Variants in MED27 observed in about 807,000 individuals in gnomAD.
MED27 encodes mediator complex subunit 27, also known as mediator of RNA polymerase II transcription subunit 27.
Under a neutral mutation model 38.2 loss-of-function variants are expected in MED27, and 30 were observed. That is an observed-to-expected ratio of 0.79 (90% CI 0.59 to 1.07). The LOEUF is 1.07. Ranked by LOEUF, MED27 falls within the 50% of genes least tolerant of loss-of-function variation. The pLI is 0.00. For synonymous variants in MED27, 122 were observed against 153.5 expected, an observed-to-expected ratio of 0.79 and a Z score of 1.52; for missense variants, 289 against 397.5, an observed-to-expected ratio of 0.73 and a Z score of 2.32.
rs193299796 is a variant in MED27 at position 132,043,777 on chromosome 9, G to A, written c.349-29310C>T. ...ACAGTATAGTAGAGGTGGAAGGAGC[G>A]TGGATATCAATAAGAAAAAAATGCC... On this transcript the variant is annotated intron_variant, in intron 2 of 7. Transcript: ENST00000292035. Among the ~76,000 whole-genome samples the A allele has an allele frequency of 1.2e-3, 188 of 152,260 alleles. 5 individuals are homozygous for A. The highest frequency in any genetic ancestry group is 0.012 in the Admixed American group (176 of 15,302).
At chr9:131,881,636 C>T (rs1839041482) in intron 6 of MED27, among the ~76,000 whole-genome samples, 1 of 152,060 alleles carries the variant, frequency 6.6e-6, no homozygotes, top group Admixed American at 6.5e-5. Flanking sequence ...CCCCGTTTCC[C>T]CATTGTTAAC....
chr9:132,003,469 C>G lies in MED27; in HGVS notation c.479+10868G>C, dbSNP rs985079917. On this transcript the variant is annotated intron_variant, in intron 3 of 7. Coordinates refer to ENST00000292035, the MANE Select transcript of MED27 (RefSeq NM_004269.4). The surrounding 1 kb of genome is among the most constrained non-coding windows in gnomAD (Gnocchi z 4.2). ...CTGAGAGTGAGGCCAGGATCAGAAC[C>G]AGACACTAAGGGCCACAAGGGGCAC... is the stretch of plus-strand genomic sequence containing the variant. 2.0e-5 allele frequency among the ~76,000 whole-genome samples: 3 copies of G among 152,186 alleles called. No homozygotes were observed. The highest frequency in any genetic ancestry group is 6.5e-5 in the Admixed American group (1 of 15,276).
At chr9:132,000,720 T>C (rs1266914520) in intron 3 of MED27, among the ~76,000 whole-genome samples, 2 of 151,942 alleles carry the variant, frequency 1.3e-5, no homozygotes, top group African/African-American at 4.8e-5. Flanking sequence ...AAAATGACTA[T>C]GCTGAGTAGA....
intron 3 of MED27, among the ~76,000 whole-genome samples, chr9:131,945,320 T>C (rs1830865248): frequency 6.6e-6 from 1 of 151,894 alleles, no homozygotes; most frequent in Non-Finnish European, 1.5e-5. Context: ...CAAATAAAGA[T>C]TGTATATATT....
At position 131,936,626 on chromosome 9, in the gene MED27, G is replaced by C. The variant is rs150364894; in HGVS notation, c.573+2755C>G. Among the ~76,000 whole-genome samples, 31 of 152,326 alleles carry C rather than the reference G, an allele frequency of 2.0e-4. No homozygotes were observed. The Middle Eastern group carries it at 0.01, about 50-fold the overall frequency. On this transcript the variant is annotated intron_variant, in intron 4 of 7. Coordinates refer to ENST00000292035, the MANE Select transcript of MED27 (RefSeq NM_004269.4). ...AAGGCGGTTAATACGGAATCATTTGGGCCATGGGGCCCCCTAAAAAACGTT... is the reference window on the plus strand; with the variant it reads ...AAGGCGGTTAATACGGAATCATTTGCGCCATGGGGCCCCCTAAAAAACGTT...
intron 6 of MED27, among the ~76,000 whole-genome samples, chr9:131,871,106 T>C (rs1262170060): frequency 6.6e-6 from 1 of 152,172 alleles, no homozygotes; most frequent in Non-Finnish European, 1.5e-5. Context: ...GTGCCCGGGA[T>C]TCAGTGTGCA....
chr9:131,885,461 T>C (rs1839123156), intron 5 of MED27, among the ~76,000 whole-genome samples: 1 of 152,154 alleles, frequency 6.6e-6, no homozygotes, highest in Non-Finnish European at 1.5e-5. Context: ...CCATTGTTTG[T>C]TTTGTAGCCC....
intron 3 of MED27, among the ~76,000 whole-genome samples, chr9:131,940,890 T>C (rs1272531031): frequency 3.3e-5 from 5 of 152,200 alleles, no homozygotes; most frequent in Non-Finnish European, 7.3e-5. Flanking sequence ...GAAACCTGTA[T>C]CTCTTAAGGT....
intron 4 of MED27, among the ~76,000 whole-genome samples, chr9:131,896,487 T>A (rs1829835348): frequency 1.3e-5 from 2 of 152,118 alleles, no homozygotes; most frequent in African/African-American, 4.8e-5. Context: ...TATATTCAAA[T>A]TTTTTTCTAT....
At position 131,862,794 on chromosome 9, in the gene MED27, T is replaced by G. The variant is rs1232035443; in HGVS notation, c.801+269A>C. On this transcript the variant is annotated intron_variant, in intron 7 of 7. Coordinates refer to ENST00000292035, the MANE Select transcript of MED27 (RefSeq NM_004269.4). This position sits in a 1 kb window ranked among gnomAD's most constrained non-coding sequence, Gnocchi z 4.6. ...GGAGCTCAATGAAATATCTGTGGAC[T>G]AAGTCAATGCTGGAACTATTTTGGA... Among the ~76,000 whole-genome samples, 1 of 152,228 alleles carries G rather than the reference T, an allele frequency of 6.6e-6. No individual in the cohort carries two copies. Among genetic ancestry groups the G allele is most frequent in the Non-Finnish European group, 1.5e-5 (1 of 68,032 alleles).
chr9:132,053,763 A>C (rs1386895768), intron 2 of MED27, among the ~76,000 whole-genome samples: 5 of 152,190 alleles, frequency 3.3e-5, no homozygotes, highest in African/African-American at 1.2e-4. Context: ...AAAACAGTCG[A>C]GCCTCTTCAC....
At chr9:131,978,409 A>C (rs1808441000) in intron 3 of MED27, among the ~76,000 whole-genome samples, 3 of 152,356 alleles carry the variant, frequency 2.0e-5, no homozygotes, top group Admixed American at 1.3e-4. Context: ...GAAATTTATA[A>C]ACTGACTAGA....
At chr9:132,004,483 C>T (rs1323298053) in intron 3 of MED27, among the ~76,000 whole-genome samples, 3 of 152,162 alleles carry the variant, frequency 2.0e-5, no homozygotes, top group Admixed American at 2.0e-4. Context: ...TCCTAATATA[C>T]CACTTTCCAC....
chr9:131,989,247 T>C (rs1324142870), intron 3 of MED27, among the ~76,000 whole-genome samples: 1 of 152,216 alleles, frequency 6.6e-6, no homozygotes, highest in Non-Finnish European at 1.5e-5. Context: ...CTTTTATTTA[T>C]AACACTTTGA....
At chr9:131,983,158 T>C (rs905645813) in intron 3 of MED27, among the ~76,000 whole-genome samples, 5 of 152,178 alleles carry the variant, frequency 3.3e-5, no homozygotes, top group Non-Finnish European at 7.3e-5. Context: ...CTCTTTACAA[T>C]CATGTAAGTT....
chr9:131,885,235 C>T (rs1400381909), intron 5 of MED27, among the ~76,000 whole-genome samples: 1 of 152,234 alleles, frequency 6.6e-6, no homozygotes, highest in Non-Finnish European at 1.5e-5. Context: ...CCATCACAGT[C>T]TTATTCTCCA....
At chr9:131,991,874 A>G (rs892578025) in intron 3 of MED27, among the ~76,000 whole-genome samples, 1 of 152,140 alleles carries the variant, frequency 6.6e-6, no homozygotes, top group Non-Finnish European at 1.5e-5. Context: ...GGCGAGCGCC[A>G]CCATGCCCGG....
intron 4 of MED27, among the ~76,000 whole-genome samples, chr9:131,919,458 T>G (rs1157532816): frequency 1.3e-5 from 2 of 148,998 alleles, no homozygotes; most frequent in South Asian, 4.5e-4. Flanking sequence ...TGGCTTCAAG[T>G]GATTTTTTTT....
chr9:132,028,981 C>T (rs1832889463), intron 2 of MED27, among the ~76,000 whole-genome samples: 1 of 152,186 alleles, frequency 6.6e-6, no homozygotes, highest in Admixed American at 6.5e-5. Flanking sequence ...CTCTTGAGAC[C>T]TGGAAGCCAT....
Sources: gnomAD v4.1 joint callset for allele counts (sites outside exome capture counted in the v4.1 genomes callset) on GRCh38, gnomAD v4.1.1 for gene constraint, Gnocchi (gnomAD v3.1) non-coding constraint, MANE v1.5 for transcripts, NCBI Gene and HGNC (gene_info 2026-07-23, HGNC 2026-07-21) for gene names.